Variants in SLC9B1 observed in about 807,000 individuals in gnomAD.
The protein encoded by SLC9B1 is solute carrier family 9 member B1, also known as sodium/hydrogen exchanger 9B1.
Under a neutral mutation model 51.7 loss-of-function variants are expected in SLC9B1, and 32 were observed. The observed-to-expected ratio is 0.62, with a 90% CI of 0.47 to 0.83. SLC9B1 has a LOEUF of 0.83. Among genes scored for constraint, SLC9B1 ranks in the 40% least tolerant of loss-of-function variants. The pLI is 0.00. For synonymous variants in SLC9B1, 145 were observed against 212.7 expected (o/e 0.68, Z 2.77); for missense variants, 406 against 613.2 (o/e 0.66, Z 3.57).
Position 102,945,204 on chromosome 4 carries a change from T to C in SLC9B1, c.642A>G (p.Ala214=). 1 of 1,602,564 alleles carries C rather than the reference T, an allele frequency of 6.2e-7. No individual in the cohort carries two copies. Among genetic ancestry groups the C allele is most frequent in the Non-Finnish European group, 8.5e-7 (1 of 1,172,706 alleles). The change falls in exon 6 of 12, where the codon GCA becomes GCG. Residue 214 remains alanine (A), a synonymous_variant. Coordinates refer to ENST00000296422, the MANE Select transcript of SLC9B1 (RefSeq NM_139173.4). ...HFIMKFPWQW[A]FLLGFVLGAV... is the part of the protein sequence containing the mutation. ...GAGAAAGAAATTACCCTAATAGAAA[T>C]GCCCATTGCCAGGGAAATTTCATAA...
intron 5 of SLC9B1, 125 bp downstream of exon 5, chr4:102,946,522 T>A (rs1344502028): frequency 9.0e-6 from 10 of 1,109,266 alleles, no homozygotes; most frequent in Non-Finnish European, 1.2e-5. Context: ...GGCCTTTTTT[T>A]CTTTATCTTA....
intron 3 of SLC9B1, among the ~76,000 whole-genome samples, chr4:102,966,176 A>G (rs1738417827): frequency 6.6e-6 from 1 of 152,124 alleles, no homozygotes; most frequent in Non-Finnish European, 1.5e-5. Flanking sequence ...TTCACTAGGT[A>G]TTGCCCTGGT....
chr4:102,908,111 T>C (rs1216677233), intron 9 of SLC9B1, among the ~76,000 whole-genome samples: 75 of 151,348 alleles, frequency 5.0e-4, no homozygotes, highest in African/African-American at 1.7e-3. Context: ...AGAAGTATAA[T>C]CTATATTAGA....
chr4:102,965,152 T>A (rs1346579233), intron 3 of SLC9B1, among the ~76,000 whole-genome samples: 9 of 152,048 alleles, frequency 5.9e-5, no homozygotes, highest in Non-Finnish European at 1.0e-4. Context: ...AAGAAAACAA[T>A]TCCAATCACA....
At chr4:102,896,950 T>C (rs1419567551), downstream of SLC9B1, 1 of 154,476 alleles carries the variant, frequency 6.5e-6, no homozygotes, top group Non-Finnish European at 1.5e-5. Context: ...GGAGAAGACA[T>C]GGATGGTAGG....
At chr4:102,928,947 A>G (rs1736319025) in intron 7 of SLC9B1, among the ~76,000 whole-genome samples, 2 of 152,156 alleles carry the variant, frequency 1.3e-5, no homozygotes, top group South Asian at 4.1e-4. Flanking sequence ...TGAGGGCCAG[A>G]AAGCTCAGCA....
intron 6 of SLC9B1, among the ~76,000 whole-genome samples, chr4:102,938,555 C>T (rs1485192032): frequency 3.3e-5 from 5 of 152,138 alleles, no homozygotes; most frequent in African/African-American, 1.2e-4. Context: ...CTCCACCCAA[C>T]AACAACAGAA....
chr4:102,887,301 T>G (rs201682974), intron 11 of SLC9B1: 7 of 724,866 alleles, frequency 9.7e-6, no homozygotes, highest in Non-Finnish European at 1.5e-5. Flanking sequence ...TAATGAATCA[T>G]ATTTTAAAAA....
intron 1 of SLC9B1, among the ~76,000 whole-genome samples, chr4:103,002,403 G>C (rs1231939434): frequency 6.6e-6 from 1 of 152,108 alleles, no homozygotes; most frequent in Non-Finnish European, 1.5e-5. Flanking sequence ...GCAAGACACA[G>C]ACTAAAGCTC....
intron 3 of SLC9B1, among the ~76,000 whole-genome samples, chr4:102,984,444 G>A (rs555359197): frequency 1.3e-5 from 2 of 152,132 alleles, no homozygotes; most frequent in Non-Finnish European, 2.9e-5. Context: ...TTTCTCTTGA[G>A]AGTTCTTTGA....
chr4:102,895,896 G>T (rs1033450542), intron 11 of SLC9B1, among the ~76,000 whole-genome samples: 2 of 152,142 alleles, frequency 1.3e-5, no homozygotes, highest in East Asian at 1.9e-4. Context: ...CTGTGTATTG[G>T]TGCCTAGGTT....
chr4:102,932,371 T>C, intron 6 of SLC9B1, 72 bp from the exon 7 acceptor site: 6 of 1,263,842 alleles, frequency 4.7e-6, no homozygotes, highest in Non-Finnish European at 5.5e-6. Context: ...TACAAGTAGT[T>C]TATAATAACT....
chr4:102,905,330 C>T (rs576028389), intron 11 of SLC9B1, among the ~76,000 whole-genome samples, 184 bp downstream of exon 11: 97 of 152,176 alleles, frequency 6.4e-4, no homozygotes, highest in African/African-American at 2.1e-3. Context: ...AAGCGATTCT[C>T]CCATCTCAGC....
chr4:102,954,825 T>A (rs933529142), intron 3 of SLC9B1, among the ~76,000 whole-genome samples: 5 of 152,152 alleles, frequency 3.3e-5, no homozygotes, highest in African/African-American at 1.2e-4. Flanking sequence ...GTGTAACACA[T>A]TACTAATGAA....
chr4:102,909,165 AAC>A (rs1735214545), intron 9 of SLC9B1, among the ~76,000 whole-genome samples: 1 of 152,220 alleles, frequency 6.6e-6, no homozygotes, highest in Non-Finnish European at 1.5e-5. Context: ...ATCAAAATAA[AAC>A]ACAGATCATT....
intron 1 of SLC9B1, among the ~76,000 whole-genome samples, chr4:102,994,741 C>T (rs2110522593): frequency 6.6e-6 from 1 of 152,274 alleles, no homozygotes; most frequent in East Asian, 1.9e-4. Context: ...GGCAGCTCTT[C>T]ACAAGGCAGC....
chr4:102,900,522 A>G (rs1391741578), downstream of SLC9B1, among the ~76,000 whole-genome samples: 1 of 152,252 alleles, frequency 6.6e-6, no homozygotes, highest in Non-Finnish European at 1.5e-5. Context: ...AAAACTGCTA[A>G]ACCAGACTTT....
At chr4:102,920,439 A>G (rs544635885) in intron 7 of SLC9B1, among the ~76,000 whole-genome samples, 1 of 152,358 alleles carries the variant, frequency 6.6e-6, no homozygotes, top group African/African-American at 2.4e-5. Context: ...AGATAAAACC[A>G]AAAGGATAGG....
rs151111546 is a variant in SLC9B1 at position 102,978,078 on chromosome 4, G to A, written c.211+11722C>T. ...GAGGTGTTTGGTTTTTTGTCCTTGC[G>A]ATAGTTTGCTGAGAATGATGGTTTC... On this transcript the variant is annotated intron_variant, in intron 3 of 11. Transcript: ENST00000296422. Among the ~76,000 whole-genome samples, 109 of 152,194 alleles carry A rather than the reference G, an allele frequency of 7.2e-4. 1 individual carries two copies. The East Asian group carries it at 0.019, about 26-fold the overall frequency.
Sources: allele counts gnomAD v4.1 joint callset (sites outside exome capture counted in the v4.1 genomes callset), GRCh38; gene constraint gnomAD v4.1.1; transcripts MANE v1.5; gene names NCBI Gene and HGNC (gene_info 2026-07-23, HGNC 2026-07-21).